Variants in SLC43A2 observed in about 807,000 individuals in gnomAD.
SLC43A2 encodes the protein solute carrier family 43 member 2.
In SLC43A2, 38 loss-of-function variants were observed where a neutral mutation model predicts 63.2. The observed-to-expected ratio is 0.60, with a 90% CI of 0.46 to 0.79. SLC43A2 has a LOEUF of 0.79. SLC43A2 is among the 30% of genes least tolerant of loss of function. The pLI is 0.00. For synonymous variants in SLC43A2, 322 were observed against 331.0 expected (o/e 0.97, Z 0.30); for missense variants, 644 against 756.2 (o/e 0.85, Z 1.74).
In SLC43A2 at chr17:1,583,435, C is replaced by A; in HGVS notation, c.1218-99G>T. On this transcript the variant is annotated intron_variant, in intron 10 of 13. Coordinates refer to ENST00000301335, the MANE Select transcript of SLC43A2 (RefSeq NM_152346.3). This position sits in a 1 kb window ranked among gnomAD's most constrained non-coding sequence, Gnocchi z 5.5. ...TCAAGCGTCGCAGCAGGTAAACTGACGCAAGACTCAGAAGCCACCCAGGCA... is the reference window on the plus strand; with the variant it reads ...TCAAGCGTCGCAGCAGGTAAACTGAAGCAAGACTCAGAAGCCACCCAGGCA... 6.4e-7 allele frequency: 1 copy of A among 1,559,700 alleles called. No homozygotes were observed. The highest frequency in any genetic ancestry group is 8.7e-7 in the Non-Finnish European group (1 of 1,152,976).
rs555306404 is a variant in SLC43A2 at position 1,609,202 on chromosome 17, G to A, written c.501+3993C>T. Among the ~76,000 whole-genome samples, 9 of 152,240 alleles carry A rather than the reference G, an allele frequency of 5.9e-5. No homozygotes were observed. The South Asian group carries it at 8.3e-4, about 14-fold the overall frequency. ...GTGTACGTGCTGGTGGGCCTGTGGT[G>A]GCAGGCAGGCTTTTTTTTGAGACAG... On this transcript the variant is annotated intron_variant, in intron 5 of 13. Transcript: ENST00000301335.
intron 4 of SLC43A2, among the ~76,000 whole-genome samples, chr17:1,613,531 C>T (rs1009279026): frequency 2.4e-4 from 37 of 152,184 alleles, no homozygotes; most frequent in African/African-American, 8.2e-4. Flanking sequence ...TGGCTCACTG[C>T]AACCTCTGAC....
Position 1,575,296 on chromosome 17 carries a change from G to A in SLC43A2, c.*308C>T. 4.2e-6 allele frequency: 2 copies of A among 473,570 alleles called. No homozygotes were observed. Among genetic ancestry groups the A allele is most frequent in the Non-Finnish European group, 3.8e-6 (1 of 261,340 alleles). The allele number at this position is 473,570 out of a possible 1,614,324, so 29.3% of individuals were successfully genotyped here. On this transcript the variant is annotated 3_prime_UTR_variant, in exon 14 of 14. Coordinates refer to ENST00000301335, the MANE Select transcript of SLC43A2 (RefSeq NM_152346.3). Reference sequence around the variant, plus strand: ...AGGCAGAATCCAGACACTGGCGGGAGAGCGCCTGCCTGCCGGGCGTTCCTG... The same window carrying A: ...AGGCAGAATCCAGACACTGGCGGGAAAGCGCCTGCCTGCCGGGCGTTCCTG...
intron 9 of SLC43A2, 84 bp downstream of exon 9, chr17:1,590,718 C>T (rs1437346671): frequency 6.6e-7 from 1 of 1,514,338 alleles, no homozygotes; most frequent in Admixed American, 2.0e-5. Flanking sequence ...TGGCCCGGCT[C>T]AGCTTAACAC....
chr17:1,602,502 C>T (rs956532937), intron 5 of SLC43A2, among the ~76,000 whole-genome samples: 5 of 151,696 alleles, frequency 3.3e-5, no homozygotes, highest in African/African-American at 9.7e-5. Context: ...AAAAATTAGC[C>T]GGACATGGTG....
In SLC43A2 at chr17:1,607,372, C is replaced by T. The variant is rs116787932; in HGVS notation, c.501+5823G>A. ...TCCTGGGTTGTATCAGAATGAGATT[C>T]GGCTCTGCTCAGCAGAAGCCCCAGT... On this transcript the variant is annotated intron_variant, in intron 5 of 13. Transcript: ENST00000301335. Among the ~76,000 whole-genome samples, 275 of 152,292 alleles carry T rather than the reference C, an allele frequency of 1.8e-3. 2 individuals are homozygous for T. The highest frequency in any genetic ancestry group is 5.8e-3 in the African/African-American group (240 of 41,552).
intron 5 of SLC43A2, among the ~76,000 whole-genome samples, chr17:1,610,903 C>T (rs1431099292): frequency 1.3e-5 from 2 of 150,206 alleles, no homozygotes; most frequent in African/African-American, 4.9e-5. Context: ...TTCAGTGGCG[C>T]GATCTCGGCT....
At chr17:1,610,065 A>G (rs544037301) in intron 5 of SLC43A2, among the ~76,000 whole-genome samples, 1 of 152,036 alleles carries the variant, frequency 6.6e-6, no homozygotes, top group Non-Finnish European at 1.5e-5. Flanking sequence ...GTGTGCCACC[A>G]TGCCCGAGTA....
chr17:1,620,140 G>A (rs1255483696), intron 2 of SLC43A2, among the ~76,000 whole-genome samples: 2 of 152,162 alleles, frequency 1.3e-5, no homozygotes, highest in Non-Finnish European at 2.9e-5. Flanking sequence ...CGAGGCAGGC[G>A]GACCACTTGA....
In SLC43A2 at chr17:1,610,835, C is replaced by A. The variant is rs1246226818; in HGVS notation, c.501+2360G>T. Among the ~76,000 whole-genome samples the A allele has an allele frequency of 3.3e-5, 5 of 150,392 alleles. No individual in the cohort carries two copies. The East Asian group carries it at 5.9e-4, about 18-fold the overall frequency. On this transcript the variant is annotated intron_variant, in intron 5 of 13. Transcript: ENST00000301335. ...CCGCAGGGTCCCTTTTAAAGTCTTT[C>A]TTTTTTTCCTTTTTTTTTTTTTGAG...
Position 1,578,353 on chromosome 17 carries a change from A to T in SLC43A2, c.1351-30T>A, listed in dbSNP as rs188015639. 4.2e-3 allele frequency: 6,740 copies of T among 1,608,886 alleles called. 37 individuals carry two copies. The highest frequency in any genetic ancestry group is 4.3e-3 in the Non-Finnish European group (5,012 of 1,176,430). On this transcript the variant is annotated intron_variant, in intron 11 of 13. Coordinates refer to ENST00000301335, the MANE Select transcript of SLC43A2 (RefSeq NM_152346.3). The surrounding 1 kb of genome is among the most constrained non-coding windows in gnomAD (Gnocchi z 6.5). ...GGGAGGAAAAGGCGACTGTGGGCATAAGGCCTTAAGGGACCGTCCCCTCAG... is the reference window on the plus strand; with the variant it reads ...GGGAGGAAAAGGCGACTGTGGGCATTAGGCCTTAAGGGACCGTCCCCTCAG...
chr17:1,618,699 A>G (rs114426708), intron 2 of SLC43A2, among the ~76,000 whole-genome samples: 3,493 of 152,322 alleles, frequency 0.023, 139 homozygotes, highest in African/African-American at 0.079. Flanking sequence ...AATAAAAACA[A>G]CAGGGCCAGG....
At position 1,577,981 on chromosome 17, in the gene SLC43A2, G is replaced by A. The variant is rs1025730373; in HGVS notation, c.1424+269C>T. Among the ~76,000 whole-genome samples, 2 of 152,212 alleles carry A rather than the reference G, an allele frequency of 1.3e-5. No individual in the cohort carries two copies. Among genetic ancestry groups the A allele is most frequent in the African/African-American group, 4.8e-5 (2 of 41,450 alleles). On this transcript the variant is annotated intron_variant, in intron 12 of 13. Transcript: ENST00000301335. The surrounding 1 kb of genome is among the most constrained non-coding windows in gnomAD (Gnocchi z 4.9). ...CCTGAGGCCATAATGAGCTGCACAG[G>A]TGCCTGACCCTGGCTGGGGGAACTG...
intron 3 of SLC43A2, chr17:1,616,314 G>A (rs961763296): frequency 1.9e-5 from 10 of 537,436 alleles, no homozygotes; most frequent in Non-Finnish European, 3.3e-5. Context: ...CATGTTCTTA[G>A]TGACAAGCAG....
intron 5 of SLC43A2, among the ~76,000 whole-genome samples, chr17:1,595,326 C>A (rs1905202227): frequency 6.6e-6 from 1 of 151,932 alleles, no homozygotes; most frequent in South Asian, 2.1e-4. Flanking sequence ...TTCTGTTGCC[C>A]AGGTGGGAGT....
At chr17:1,592,257 T>C (rs1904888013) in intron 6 of SLC43A2, among the ~76,000 whole-genome samples, 1 of 152,088 alleles carries the variant, frequency 6.6e-6, no homozygotes, top group African/African-American at 2.4e-5. Flanking sequence ...TGAAACCCCA[T>C]CTCTACTAAA....
intron 3 of SLC43A2, among the ~76,000 whole-genome samples, chr17:1,616,047 A>C (rs981562847): frequency 2.7e-5 from 4 of 149,624 alleles, no homozygotes; most frequent in Non-Finnish European, 6.0e-5. Flanking sequence ...CGTCTTGAAA[A>C]AAAAAAAAAA....
At chr17:1,598,040 C>G (rs573972293) in intron 5 of SLC43A2, among the ~76,000 whole-genome samples, 1 of 152,134 alleles carries the variant, frequency 6.6e-6, no homozygotes, top group Non-Finnish European at 1.5e-5. Context: ...CATATCTACC[C>G]CAGTGAGAAT....
intron 2 of SLC43A2, among the ~76,000 whole-genome samples, chr17:1,624,372 G>A (rs1007919030): frequency 1.3e-4 from 20 of 150,538 alleles, no homozygotes; most frequent in Non-Finnish European, 5.9e-5. Flanking sequence ...CAGGAGTTTT[G>A]AGACCAGCCT....
Sources: allele counts gnomAD v4.1 joint callset (sites outside exome capture counted in the v4.1 genomes callset), GRCh38; gene constraint gnomAD v4.1.1; non-coding constraint Gnocchi (gnomAD v3.1); transcripts MANE v1.5; gene names NCBI Gene and HGNC (gene_info 2026-07-23, HGNC 2026-07-21).